Variants in SKAP2 observed in about 807,000 individuals in gnomAD.
The protein encoded by SKAP2 is src kinase associated phosphoprotein 2, also known as src kinase-associated phosphoprotein 2.
Under a neutral mutation model 54.9 loss-of-function variants are expected in SKAP2, and 28 were observed. The observed-to-expected ratio is 0.51, with a 90% CI of 0.38 to 0.70. The LOEUF is 0.70. Ranked by LOEUF, SKAP2 falls within the 30% of genes least tolerant of loss-of-function variation. The pLI is 0.00. For synonymous variants in SKAP2, 137 were observed against 134.3 expected, an observed-to-expected ratio of 1.02 and a Z score of -0.14; for missense variants, 356 against 424.1, an observed-to-expected ratio of 0.84 and a Z score of 1.41.
At chr7:26,818,212 A>G (rs941312253) in intron 4 of SKAP2, among the ~76,000 whole-genome samples, 7 of 152,208 alleles carry the variant, frequency 4.6e-5, no homozygotes, top group Non-Finnish European at 8.8e-5. Flanking sequence ...AGTAACCGAA[A>G]CAGCATGGCA....
intron 9 of SKAP2, among the ~76,000 whole-genome samples, chr7:26,710,816 T>C (rs532033039): frequency 2.6e-5 from 4 of 152,146 alleles, no homozygotes; most frequent in Admixed American, 2.0e-4. Context: ...AAATGAAAAA[T>C]TATTAACCGG....
At chr7:26,788,665 G>A (rs1247515181) in intron 4 of SKAP2, among the ~76,000 whole-genome samples, 1 of 152,006 alleles carries the variant, frequency 6.6e-6, no homozygotes, top group Non-Finnish European at 1.5e-5. Context: ...TTGTTACTAT[G>A]AGCACAAAAT....
chr7:26,752,758 A>C (rs1412973325), intron 4 of SKAP2, among the ~76,000 whole-genome samples: 7 of 152,210 alleles, frequency 4.6e-5, no homozygotes, highest in Non-Finnish European at 1.0e-4. Context: ...ATGACTTTGC[A>C]GGGACATAAA....
chr7:26,838,105 C>A lies in SKAP2; in HGVS notation c.307+5925G>T, dbSNP rs185930049. On this transcript the variant is annotated intron_variant, in intron 4 of 12. Coordinates refer to ENST00000345317, the MANE Select transcript of SKAP2 (RefSeq NM_003930.5). Reference sequence around the variant, plus strand: ...ATGTAGCAAAGCATTTAGCTTGCTACCTCCACTAGATGGTCTCTACGCCTT... The same window carrying A: ...ATGTAGCAAAGCATTTAGCTTGCTAACTCCACTAGATGGTCTCTACGCCTT... Among the ~76,000 whole-genome samples the A allele has an allele frequency of 2.8e-4, 42 of 152,278 alleles. 1 individual carries two copies. Among genetic ancestry groups the A allele is most frequent in the Admixed American group, 2.7e-3 (42 of 15,294 alleles).
chr7:26,748,953 T>C (rs951236230), intron 4 of SKAP2, among the ~76,000 whole-genome samples: 6 of 152,160 alleles, frequency 3.9e-5, no homozygotes, highest in Admixed American at 2.6e-4. Context: ...AATCTTTCAA[T>C]GTAGATAATA....
At chr7:26,783,982 AAAAG>A (rs1344866388) in intron 4 of SKAP2, among the ~76,000 whole-genome samples, 2 of 152,066 alleles carry the variant, frequency 1.3e-5, no homozygotes, top group African/African-American at 4.8e-5. Context: ...AGAAAAAAAA[AAAAG>A]AAATCTTATC....
At chr7:26,656,451 C>G in the SKAP2 span, among the ~76,000 whole-genome samples, 3 of 152,160 alleles carry the variant, frequency 2.0e-5, no homozygotes, top group Admixed American at 1.3e-4. Context: ...ATACTGTTTC[C>G]AAACAAGTTG....
intron 4 of SKAP2, among the ~76,000 whole-genome samples, chr7:26,836,157 T>C (rs1189299631): frequency 6.6e-6 from 1 of 152,206 alleles, no homozygotes; most frequent in African/African-American, 2.4e-5. Flanking sequence ...AAACTGAAAC[T>C]GGACCCCTTC....
chr7:26,831,120 A>G (rs560930126), intron 4 of SKAP2, among the ~76,000 whole-genome samples: 4 of 152,166 alleles, frequency 2.6e-5, no homozygotes, highest in African/African-American at 9.7e-5. Context: ...ACTCATTCAA[A>G]TGTTCTTAAA....
At chr7:26,804,468 T>C (rs959724188) in intron 4 of SKAP2, among the ~76,000 whole-genome samples, 3 of 152,142 alleles carry the variant, frequency 2.0e-5, no homozygotes, top group Non-Finnish European at 2.9e-5. Context: ...GGGCCGGGCC[T>C]GGTGGTTCAG....
At chr7:26,714,066 G>A (rs1787372282) in intron 9 of SKAP2, among the ~76,000 whole-genome samples, 1 of 152,174 alleles carries the variant, frequency 6.6e-6, no homozygotes, top group South Asian at 2.1e-4. Context: ...CTCTGAAGAA[G>A]CTGGTTTAGT....
downstream of SKAP2, among the ~76,000 whole-genome samples, chr7:26,664,725 AAAG>A (rs1247838989): frequency 1.6e-5 from 2 of 125,474 alleles, no homozygotes; most frequent in East Asian, 4.1e-4. Flanking sequence ...AGAAAACTGA[AAAG>A]AAAAAAAAAA....
At chr7:26,794,000 T>C (rs1362246763) in intron 4 of SKAP2, among the ~76,000 whole-genome samples, 3 of 152,084 alleles carry the variant, frequency 2.0e-5, no homozygotes, top group African/African-American at 7.2e-5. Flanking sequence ...GAAATTCTGA[T>C]ATATTAGCTA....
chr7:26,717,643 T>G (rs1400172328), intron 9 of SKAP2, among the ~76,000 whole-genome samples: 1 of 140,348 alleles, frequency 7.1e-6, no homozygotes, highest in African/African-American at 2.6e-5. Flanking sequence ...CTGGCCAACA[T>G]GGCAAAACCC....
At position 26,749,745 on chromosome 7, in the gene SKAP2, CAATAATAATAATAAT is replaced by C. The variant is rs68049436; in HGVS notation, c.308-9796_308-9782del. Among the ~76,000 whole-genome samples, 297 of 144,752 alleles carry C rather than the reference CAATAATAATAATAAT, an allele frequency of 2.1e-3. 1 individual carries two copies. Among genetic ancestry groups the C allele is most frequent in the East Asian group, 6.6e-3 (33 of 4,978 alleles). The allele number at this position is 144,752 out of a possible 152,430, so 95.0% of individuals were successfully genotyped here. ...AGTGAGACCCTGTCTCAAATAATAA[CAATAATAATAATAAT>C]AATAATAATAATAATAATAATAATA... is the stretch of plus-strand genomic sequence containing the variant. On this transcript the variant is annotated intron_variant, in intron 4 of 12. Coordinates refer to ENST00000345317, the MANE Select transcript of SKAP2 (RefSeq NM_003930.5).
chr7:26,697,350 G>T (rs995375876), intron 9 of SKAP2, among the ~76,000 whole-genome samples: 1 of 152,090 alleles, frequency 6.6e-6, no homozygotes, highest in African/African-American at 2.4e-5. Flanking sequence ...TAAAAACAAA[G>T]TTTTCATAGG....
chr7:26,851,052 A>G (rs1785028996), intron 3 of SKAP2, among the ~76,000 whole-genome samples: 1 of 152,058 alleles, frequency 6.6e-6, no homozygotes, highest in Non-Finnish European at 1.5e-5. Context: ...AAAAATGGAA[A>G]TACCAAAAAA....
At chr7:26,676,247 T>C (rs755257916) in intron 11 of SKAP2, among the ~76,000 whole-genome samples, 5 of 152,236 alleles carry the variant, frequency 3.3e-5, no homozygotes, top group Non-Finnish European at 5.9e-5. Flanking sequence ...CACTTATTTA[T>C]GTAAAGTTGT....
At position 26,725,926 on chromosome 7, in the gene SKAP2, G is replaced by C; in HGVS notation, c.655C>G (p.Gln219Glu). 4.4e-6 allele frequency: 7 copies of C among 1,605,836 alleles called. No individual in the cohort carries two copies. Among genetic ancestry groups the C allele is most frequent in the Non-Finnish European group, 6.0e-6 (7 of 1,173,970 alleles). ...TTGTTCGATTGATTTATCTTACCTT[G>C]CAATACAAATTTCAGCTGCTGTACC... Reference protein sequence around the residue: ...EWVQQLKFVLQDMESDIIPED... With the variant: ...EWVQQLKFVLEDMESDIIPED... Residue 219 changes from glutamine to glutamate, a missense_variant, in exon 8 of 13, where the codon CAA (glutamine) becomes GAA (glutamate). Gln to Glu is a conservative substitution (Grantham distance 29). Coordinates refer to ENST00000345317, the MANE Select transcript of SKAP2 (RefSeq NM_003930.5).
Sources: gnomAD v4.1 joint callset for allele counts (sites outside exome capture counted in the v4.1 genomes callset) on GRCh38, gnomAD v4.1.1 for gene constraint, MANE v1.5 for transcripts, NCBI Gene and HGNC (gene_info 2026-07-23, HGNC 2026-07-21) for gene names.